Variants in RGS6 observed in about 807,000 individuals in gnomAD.
RGS6 encodes regulator of G protein signaling 6, also known as regulator of G-protein signaling 6.
A neutral mutation model predicts 78.5 loss-of-function variants in RGS6; 30 were observed. That is an observed-to-expected ratio of 0.38 (90% CI 0.29 to 0.52). RGS6 has a LOEUF of 0.52. RGS6 is among the 20% of genes least tolerant of loss of function. The pLI is 0.85. For missense variants in RGS6, 495 were observed against 609.7 expected (o/e 0.81, Z 1.98); for synonymous variants, 206 against 206.0 (o/e 1.00, Z 0.00).
intron 2 of RGS6, among the ~76,000 whole-genome samples, chr14:72,002,895 C>T (rs1433213633): frequency 1.3e-5 from 2 of 152,166 alleles, no homozygotes; most frequent in South Asian, 2.1e-4. Flanking sequence ...ACTGAACACT[C>T]GTACTACTGC....
chr14:72,221,607 T>A (rs2046882285), intron 2 of RGS6, among the ~76,000 whole-genome samples: 1 of 151,590 alleles, frequency 6.6e-6, no homozygotes, highest in Non-Finnish European at 1.5e-5. Context: ...TCACTTTTAC[T>A]TTTTTTTTCT....
chr14:72,036,833 GATTT>G (rs1172908720), intron 2 of RGS6, among the ~76,000 whole-genome samples: 3 of 152,046 alleles, frequency 2.0e-5, no homozygotes, highest in Admixed American at 1.3e-4. Flanking sequence ...ATGATGGTGT[GATTT>G]ATTTTTTCTG....
chr14:72,549,435 G>A (rs1443873031), intron 17 of RGS6, among the ~76,000 whole-genome samples: 1 of 152,162 alleles, frequency 6.6e-6, no homozygotes, highest in African/African-American at 2.4e-5. Context: ...CCTGGCCCAA[G>A]GTTGAAGAAA....
chr14:72,185,692 C>T (rs1429659476), intron 2 of RGS6, among the ~76,000 whole-genome samples: 2 of 152,174 alleles, frequency 1.3e-5, no homozygotes, highest in South Asian at 2.1e-4. Context: ...TGCCTGTAAT[C>T]CCAACACTTT....
chr14:71,898,121 T>A, the RGS6 span, among the ~76,000 whole-genome samples: 1 of 152,284 alleles, frequency 6.6e-6, no homozygotes, highest in Non-Finnish European at 1.5e-5. Flanking sequence ...TCACATACTT[T>A]TATTGTGGTG....
At chr14:72,325,126 A>G (rs1163733119) in intron 2 of RGS6, among the ~76,000 whole-genome samples, 2 of 152,080 alleles carry the variant, frequency 1.3e-5, no homozygotes, top group South Asian at 2.1e-4. Flanking sequence ...GCATTTTTTC[A>G]TGTGTGTTGG....
At chr14:72,207,938 C>T (rs1426818932) in intron 2 of RGS6, among the ~76,000 whole-genome samples, 3 of 152,200 alleles carry the variant, frequency 2.0e-5, no homozygotes, top group South Asian at 2.1e-4. Context: ...GAATATCTCT[C>T]AGTGGATTAG....
intron 2 of RGS6, among the ~76,000 whole-genome samples, chr14:72,277,740 C>T (rs1337646087): frequency 5.9e-5 from 9 of 151,956 alleles, no homozygotes; most frequent in East Asian, 3.9e-4. Context: ...CCAGCCTGGT[C>T]GACATGGTGA....
At chr14:72,298,630 A>C (rs1490633210) in intron 2 of RGS6, among the ~76,000 whole-genome samples, 1 of 151,360 alleles carries the variant, frequency 6.6e-6, no homozygotes, top group Non-Finnish European at 1.5e-5. Context: ...TTGTATTTTT[A>C]GTAGAGACGG....
intron 2 of RGS6, among the ~76,000 whole-genome samples, chr14:72,175,040 C>G (rs1312328540): frequency 6.6e-6 from 1 of 152,194 alleles, no homozygotes; most frequent in Non-Finnish European, 1.5e-5. Flanking sequence ...TGTCTTGGAG[C>G]TGCTTCACAT....
intron 3 of RGS6, among the ~76,000 whole-genome samples, chr14:72,383,380 C>T (rs1458746697): frequency 1.3e-5 from 2 of 151,730 alleles, no homozygotes; most frequent in African/African-American, 4.8e-5. Context: ...ACTCATAAAT[C>T]TAACTGGGCT....
chr14:71,991,715 A>G (rs2094961438), intron 2 of RGS6, among the ~76,000 whole-genome samples: 1 of 152,210 alleles, frequency 6.6e-6, no homozygotes, highest in African/African-American at 2.4e-5. Context: ...GACTTACTGT[A>G]CTTGCTGTTG....
the RGS6 span, among the ~76,000 whole-genome samples, chr14:71,899,117 C>A: frequency 6.6e-6 from 1 of 152,136 alleles, no homozygotes; most frequent in South Asian, 2.1e-4. Flanking sequence ...TTCCCCTTCC[C>A]CTGATTTTTT....
intron 2 of RGS6, among the ~76,000 whole-genome samples, chr14:71,995,761 C>T (rs1456601413): frequency 1.3e-5 from 2 of 152,150 alleles, no homozygotes; most frequent in African/African-American, 2.4e-5. Flanking sequence ...TCATGACGCA[C>T]GGCATATTTA....
intron 17 of RGS6, among the ~76,000 whole-genome samples, chr14:72,556,396 C>CCAAT (rs1466863737): frequency 9.9e-5 from 15 of 152,248 alleles, no homozygotes; most frequent in African/African-American, 3.4e-4. Flanking sequence ...CCCCCATGAT[C>CCAAT]CAATCACCTC....
chr14:72,078,911 C>G lies in RGS6; in HGVS notation c.84+114036C>G, dbSNP rs59984121. Among the ~76,000 whole-genome samples, 1,869 of 152,120 alleles carry G rather than the reference C, an allele frequency of 0.012. 191 individuals are homozygous for G. The East Asian group carries it at 0.26, about 21-fold the overall frequency. On this transcript the variant is annotated intron_variant, in intron 2 of 17. Coordinates refer to ENST00000553525, the MANE Select transcript of RGS6 (RefSeq NM_001204424.2). Reference sequence around the variant, plus strand: ...TTTTAATATTTTGTTTCTCTTTTCTCCTTCTATACTTGTACTAGATTTATC... The same window carrying G: ...TTTTAATATTTTGTTTCTCTTTTCTGCTTCTATACTTGTACTAGATTTATC...
At chr14:72,329,664 C>T (rs183192868) in intron 2 of RGS6, among the ~76,000 whole-genome samples, 7 of 152,324 alleles carry the variant, frequency 4.6e-5, no homozygotes, top group Admixed American at 2.0e-4. Context: ...TTCATTTAAG[C>T]GTCAAGATCA....
chr14:72,502,818 A>C (rs2153429853), intron 13 of RGS6, among the ~76,000 whole-genome samples: 1 of 152,274 alleles, frequency 6.6e-6, no homozygotes, highest in East Asian at 1.9e-4. Flanking sequence ...TCTTCATTGG[A>C]GTATTCAGGA....
intron 6 of RGS6, 128 bp from the exon 7 acceptor site, chr14:72,465,614 GTGGATGGGTGGATGGA>G (rs2095885110): frequency 1.8e-6 from 1 of 569,746 alleles, no homozygotes; most frequent in African/African-American, 2.2e-5. Flanking sequence ...GGGTGGATGG[GTGGATGGGTGGATGGA>G]TGGATGGATG....
Sources: gnomAD v4.1 joint callset for allele counts (sites outside exome capture counted in the v4.1 genomes callset) on GRCh38, gnomAD v4.1.1 for gene constraint, MANE v1.5 for transcripts, NCBI Gene and HGNC (gene_info 2026-07-23, HGNC 2026-07-21) for gene names.